Variants in STXBP6 observed in about 807,000 individuals in gnomAD.
STXBP6 encodes the protein syntaxin binding protein 6, also known as syntaxin-binding protein 6.
A neutral mutation model predicts 26.9 loss-of-function variants in STXBP6; 21 were observed. That is an observed-to-expected ratio of 0.78 (90% CI 0.55 to 1.12). STXBP6 has a LOEUF of 1.12. STXBP6 is among the 50% of genes most tolerant of loss of function. The pLI is 0.00. For synonymous variants in STXBP6, 97 were observed against 92.6 expected, an observed-to-expected ratio of 1.05 and a Z score of -0.27; for missense variants, 232 against 257.9, an observed-to-expected ratio of 0.90 and a Z score of 0.69.
intron 1 of STXBP6, among the ~76,000 whole-genome samples, chr14:24,983,284 A>G (rs2074246689): frequency 1.3e-5 from 2 of 152,346 alleles, no homozygotes; most frequent in Admixed American, 6.5e-5. Flanking sequence ...CTGAGCAATC[A>G]TGTCATTGTA....
chr14:24,843,880 G>A (rs1466327793), intron 4 of STXBP6, among the ~76,000 whole-genome samples: 1 of 152,214 alleles, frequency 6.6e-6, no homozygotes, highest in Non-Finnish European at 1.5e-5. Flanking sequence ...AGGAATGAGA[G>A]TAGTATCTTT....
chr14:24,946,787 T>A (rs9671254), intron 2 of STXBP6, among the ~76,000 whole-genome samples: 115,992 of 152,106 alleles, frequency 0.76, 44,590 homozygotes, highest in African/African-American at 0.84. Flanking sequence ...TTGTTGGTAC[T>A]TAATGGGAAC....
chr14:24,948,599 T>C (rs192517111), intron 2 of STXBP6, among the ~76,000 whole-genome samples: 50 of 152,328 alleles, frequency 3.3e-4, no homozygotes, highest in African/African-American at 9.4e-4. Context: ...CCTCTGACCA[T>C]GAGCACATGG....
chr14:24,857,464 A>G (rs1343932799), intron 2 of STXBP6, among the ~76,000 whole-genome samples: 1 of 152,088 alleles, frequency 6.6e-6, no homozygotes, highest in Non-Finnish European at 1.5e-5. Context: ...AGCACCTTCA[A>G]TGGAGGCTAT....
intron 4 of STXBP6, among the ~76,000 whole-genome samples, chr14:24,853,073 C>G (rs1386533698): frequency 6.6e-6 from 1 of 152,066 alleles, no homozygotes; most frequent in African/African-American, 2.4e-5. Flanking sequence ...CATACTAACA[C>G]CAGTATTAGT....
chr14:25,001,410 T>C (rs780770316), intron 1 of STXBP6, among the ~76,000 whole-genome samples: 18 of 152,172 alleles, frequency 1.2e-4, no homozygotes, highest in Non-Finnish European at 2.5e-4. Context: ...CTTTCAACCA[T>C]ACCAGAGTTT....
At chr14:25,029,472 TA>T (rs1468136132) in intron 1 of STXBP6, among the ~76,000 whole-genome samples, 1 of 152,154 alleles carries the variant, frequency 6.6e-6, no homozygotes, top group Non-Finnish European at 1.5e-5. Flanking sequence ...ACTGGACACT[TA>T]ATAGACTTCA....
intron 1 of STXBP6, among the ~76,000 whole-genome samples, chr14:24,977,796 T>C (rs1274474646): frequency 6.6e-6 from 1 of 152,212 alleles, no homozygotes; most frequent in East Asian, 1.9e-4. Flanking sequence ...TTTGTAAAAG[T>C]GAAACCCAAC....
intron 2 of STXBP6, among the ~76,000 whole-genome samples, chr14:24,954,257 G>C (rs1210523191): frequency 6.6e-6 from 1 of 152,090 alleles, no homozygotes; most frequent in Non-Finnish European, 1.5e-5. Flanking sequence ...AACTGGTTTG[G>C]GTAGCAAGGT....
At chr14:25,019,476 A>G (rs1371753373) in intron 1 of STXBP6, among the ~76,000 whole-genome samples, 5 of 152,274 alleles carry the variant, frequency 3.3e-5, no homozygotes, top group African/African-American at 1.2e-4. Flanking sequence ...TGTTGGACTT[A>G]TTCATTCCTC....
rs186721989 is a variant in STXBP6 at position 25,029,099 on chromosome 14, T to C, written c.-33+20779A>G. ...TGAAGCGACAACAAAGGACTTAGAA[T>C]ATTACATAAACTGAGGTGATAAAGC... is the stretch of plus-strand genomic sequence containing the variant. On this transcript the variant is annotated intron_variant, in intron 1 of 5. Transcript: ENST00000323944. 7.9e-4 allele frequency among the ~76,000 whole-genome samples: 120 copies of C among 152,288 alleles called. 2 individuals are homozygous for C. In the Middle Eastern group the frequency reaches 0.017, roughly 22 times the overall value.
chr14:24,863,562 G>T (rs969759797), intron 2 of STXBP6, among the ~76,000 whole-genome samples: 2 of 152,136 alleles, frequency 1.3e-5, no homozygotes, highest in Non-Finnish European at 2.9e-5. Context: ...TAATAACCAA[G>T]AAGTTACAGA....
chr14:24,958,631 C>T (rs1318822624), intron 2 of STXBP6, among the ~76,000 whole-genome samples: 1 of 152,122 alleles, frequency 6.6e-6, no homozygotes, highest in Admixed American at 6.6e-5. Context: ...ACCATAAATA[C>T]ACTTTTTGTA....
chr14:25,031,558 T>C (rs1411232886), intron 1 of STXBP6, among the ~76,000 whole-genome samples: 5 of 152,196 alleles, frequency 3.3e-5, no homozygotes. Context: ...ATAAAAGCTT[T>C]TTAAAACATC....
intron 2 of STXBP6, among the ~76,000 whole-genome samples, chr14:24,947,062 C>A (rs1236195488): frequency 1.3e-5 from 2 of 152,108 alleles, no homozygotes; most frequent in African/African-American, 4.8e-5. Flanking sequence ...ATGGCCCAGT[C>A]AAGTGCTTAT....
At chr14:25,039,708 C>CTTTT (rs375717992) in intron 1 of STXBP6, among the ~76,000 whole-genome samples, 1 of 140,084 alleles carries the variant, frequency 7.1e-6, no homozygotes, top group African/African-American at 2.6e-5. Flanking sequence ...AATCTGCATC[C>CTTTT]TTTTTTTTTT....
chr14:24,981,540 G>A (rs1046992982), intron 1 of STXBP6, among the ~76,000 whole-genome samples: 3 of 152,186 alleles, frequency 2.0e-5, no homozygotes. Flanking sequence ...AAAGTGCTGG[G>A]ATTACAGGTG....
At position 24,811,355 on chromosome 14, in the gene STXBP6, A is replaced by G. The variant is rs1008488324; in HGVS notation, c.*1354T>C. The G allele has an allele frequency of 1.3e-5, 2 of 152,214 alleles. No individual in the cohort carries two copies. The highest frequency in any genetic ancestry group is 2.4e-5 in the African/African-American group (1 of 41,458). 9.4% of individuals were successfully genotyped at this position (152,214 alleles called of 1,614,324 possible). The stretch of plus-strand genomic sequence containing the variant: ...GATGGAATAGATAGGGGTCCTGAAG[A>G]TTCAGGCAGCTTAAAAATCAATGCG... On this transcript the variant is annotated 3_prime_UTR_variant, in exon 6 of 6. Transcript: ENST00000323944.
intron 4 of STXBP6, among the ~76,000 whole-genome samples, chr14:24,825,201 G>A (rs1391080918): frequency 1.3e-5 from 2 of 152,252 alleles, no homozygotes; most frequent in South Asian, 4.1e-4. Context: ...TCTTAGTAGG[G>A]TGAAATTCCG....
Sources: gnomAD v4.1 joint callset for allele counts (sites outside exome capture counted in the v4.1 genomes callset) on GRCh38, gnomAD v4.1.1 for gene constraint, MANE v1.5 for transcripts, NCBI Gene and HGNC (gene_info 2026-07-23, HGNC 2026-07-21) for gene names.